The following DCAF5 variants were observed in gnomAD, a reference collection of about 807,000 sequenced individuals.
DCAF5 encodes the protein DDB1- and CUL4-associated factor 5.
DCAF5 carries 9 observed loss-of-function variants against 80.7 expected under a neutral mutation model. The ratio of observed to expected loss-of-function variants is 0.11; its 90% CI spans 0.07 to 0.19. The LOEUF is 0.19. DCAF5 is among the 10% of genes least tolerant of loss of function. The pLI is 1.00. For synonymous variants in DCAF5, 433 were observed against 461.9 expected, an observed-to-expected ratio of 0.94 and a Z score of 0.80; for missense variants, 842 against 1,205.7, an observed-to-expected ratio of 0.70 and a Z score of 4.47.
chr14:69,105,914 C>CATATATATATATATATATATAT lies in DCAF5; in HGVS notation c.665+10430_665+10451dup, dbSNP rs35075766. Among the ~76,000 whole-genome samples the CATATATATATATATATATATAT allele has an allele frequency of 8.3e-3, 411 of 49,810 alleles. 12 individuals are homozygous for CATATATATATATATATATATAT. The highest frequency in any genetic ancestry group is 0.036 in the East Asian group (14 of 388). The allele number at this position is 49,810 out of a possible 152,430, so 32.7% of individuals were successfully genotyped here. On this transcript the variant is annotated intron_variant, in intron 5 of 8. Coordinates refer to ENST00000341516, the MANE Select transcript of DCAF5 (RefSeq NM_003861.3). ...GAGCCAATTTTCCCTAATAAACTGTCATATATATATATATATATATATATA... is the reference window on the plus strand; with the variant it reads ...GAGCCAATTTTCCCTAATAAACTGTCATATATATATATATATATATATATATATATATATATATATATATATA...
Position 69,102,591 on chromosome 14 carries a change from G to GACACACACACACACACACACACACAC in DCAF5, c.666-10730_666-10705dup, listed in dbSNP as rs143602483. ...AACTTTTTATTTTGTTAAAAACAAA[G>GACACACACACACACACACACACACAC]ACACACACACACACACACACACACA... On this transcript the variant is annotated intron_variant, in intron 5 of 8. Transcript: ENST00000341516. Among the ~76,000 whole-genome samples the GACACACACACACACACACACACACAC allele has an allele frequency of 5.5e-3, 682 of 124,860 alleles. 6 individuals carry two copies. Among genetic ancestry groups the GACACACACACACACACACACACACAC allele is most frequent in the East Asian group, 0.012 (40 of 3,416 alleles). 81.9% of individuals were successfully genotyped at this position (124,860 alleles called of 152,430 possible). A position where few individuals can be genotyped will look rare whatever the true frequency, so the allele number is the denominator to read the frequency against.
chr14:69,134,496 C>T (rs908355696), intron 1 of DCAF5, among the ~76,000 whole-genome samples: 1 of 152,156 alleles, frequency 6.6e-6, no homozygotes, highest in Non-Finnish European at 1.5e-5. Context: ...CATTTACGAC[C>T]TCCTTAAGAG....
rs550790614 is a variant in DCAF5 at position 69,138,702 on chromosome 14, T to C, written c.214+14063A>G. ...CTCTTTGCTCCTTTGTTTACTTAGA[T>C]GTAAAATTAAAGACTTCTATTAGAC... On this transcript the variant is annotated intron_variant, in intron 1 of 8. Coordinates refer to ENST00000341516, the MANE Select transcript of DCAF5 (RefSeq NM_003861.3). Among the ~76,000 whole-genome samples, 216 of 152,360 alleles carry C rather than the reference T, an allele frequency of 1.4e-3. 5 individuals carry two copies. The South Asian group carries it at 0.028, about 20-fold the overall frequency.
At chr14:69,098,494 G>T (rs928207336) in intron 5 of DCAF5, among the ~76,000 whole-genome samples, 1 of 151,574 alleles carries the variant, frequency 6.6e-6, no homozygotes, top group African/African-American at 2.4e-5. Flanking sequence ...ATCTTTTCTT[G>T]GTGTATCCCA....
At chr14:69,084,815 T>G in intron 6 of DCAF5, 2 of 1,084,884 alleles carry the variant, frequency 1.8e-6, no homozygotes, top group Non-Finnish European at 2.8e-6. Flanking sequence ...AGGAACACTA[T>G]TGTGTACAGA....
In DCAF5 at chr14:69,112,594, T is replaced by TACACACACACAC. The variant is rs3044674; in HGVS notation, c.665+3760_665+3771dup. Among the ~76,000 whole-genome samples the TACACACACACAC allele has an allele frequency of 5.3e-3, 765 of 145,220 alleles. 9 individuals carry two copies. The highest frequency in any genetic ancestry group is 0.018 in the African/African-American group (673 of 38,294). On this transcript the variant is annotated intron_variant, in intron 5 of 8. Coordinates refer to ENST00000341516, the MANE Select transcript of DCAF5 (RefSeq NM_003861.3). Reference sequence around the variant, plus strand: ...AAAGGGGAAGGATGATATATATGTATACACACACACACACACACACACACA... The same window carrying TACACACACACAC: ...AAAGGGGAAGGATGATATATATGTATACACACACACACACACACACACACACACACACACACA...
intron 7 of DCAF5, among the ~76,000 whole-genome samples, chr14:69,065,984 C>T (rs1171614446): frequency 6.6e-6 from 1 of 152,114 alleles, no homozygotes; most frequent in Admixed American, 6.5e-5. Context: ...CTGACTGAAT[C>T]GCTAATAATG....
At chr14:69,148,553 G>A (rs372279704) in intron 1 of DCAF5, among the ~76,000 whole-genome samples, 2 of 152,052 alleles carry the variant, frequency 1.3e-5, no homozygotes, top group African/African-American at 4.8e-5. Context: ...AAATTAGCCA[G>A]GTGTGGAGGC....
At chr14:69,095,037 T>A (rs1449273289) in intron 5 of DCAF5, among the ~76,000 whole-genome samples, 1 of 152,242 alleles carries the variant, frequency 6.6e-6, no homozygotes, top group Non-Finnish European at 1.5e-5. Context: ...AACATGGCAC[T>A]TTTTATGGTC....
At chr14:69,072,124 C>T (rs1006742865) in intron 7 of DCAF5, among the ~76,000 whole-genome samples, 1 of 152,020 alleles carries the variant, frequency 6.6e-6, no homozygotes, top group Non-Finnish European at 1.5e-5. Flanking sequence ...CTTTTAAGAG[C>T]CATAGTTTAA....
chr14:69,087,193 T>C (rs955227604), intron 6 of DCAF5, among the ~76,000 whole-genome samples: 13 of 152,328 alleles, frequency 8.5e-5, no homozygotes, highest in African/African-American at 2.6e-4. Flanking sequence ...AAGTGCTGTC[T>C]TATATGTGCA....
intron 7 of DCAF5, among the ~76,000 whole-genome samples, chr14:69,073,492 AG>A (rs2038780153): frequency 6.6e-6 from 1 of 152,072 alleles, no homozygotes; most frequent in Non-Finnish European, 1.5e-5. Context: ...AAATCAGTAA[AG>A]AAAGCAGCAG....
Position 69,084,886 on chromosome 14 carries a change from G to A in DCAF5, c.879+6788C>T, listed in dbSNP as rs529461843. The A allele has an allele frequency of 1.1e-4, 145 of 1,325,544 alleles. 1 individual carries two copies. The African/African-American group carries it at 1.5e-3, about 14-fold the overall frequency. The allele number at this position is 1,325,544 out of a possible 1,614,324, so 82.1% of individuals were successfully genotyped here. A position where few individuals can be genotyped will look rare whatever the true frequency, so the allele number is the denominator to read the frequency against. Reference sequence around the variant, plus strand: ...ACTGGATTGTTCAGTATGACCCTCCGGATGACCCTAAGGAATAATATTCAT... The same window carrying A: ...ACTGGATTGTTCAGTATGACCCTCCAGATGACCCTAAGGAATAATATTCAT... On this transcript the variant is annotated intron_variant, in intron 6 of 8. Transcript: ENST00000341516.
intron 5 of DCAF5, among the ~76,000 whole-genome samples, chr14:69,106,077 C>T (rs2040146999): frequency 1.3e-5 from 2 of 150,896 alleles, no homozygotes. Context: ...TTTTTTGAGA[C>T]GGAGTTTCGC....
intron 1 of DCAF5, among the ~76,000 whole-genome samples, chr14:69,134,098 C>T (rs1010579346): frequency 3.3e-5 from 5 of 152,244 alleles, no homozygotes; most frequent in Non-Finnish European, 5.9e-5. Flanking sequence ...CTTCTAACAT[C>T]CCCATTTTGC....
intron 1 of DCAF5, among the ~76,000 whole-genome samples, chr14:69,143,141 AC>A (rs1595066652): frequency 1.3e-5 from 2 of 152,134 alleles, no homozygotes; most frequent in African/African-American, 4.8e-5. Context: ...CTCCAAGTCC[AC>A]TCCCATCTTC....
chr14:69,090,917 G>C (rs1210081338), intron 6 of DCAF5: 2 of 556,032 alleles, frequency 3.6e-6, no homozygotes, highest in African/African-American at 3.7e-5. Flanking sequence ...TTGTTTATTT[G>C]ATCAGTCTTT....
intron 5 of DCAF5, among the ~76,000 whole-genome samples, chr14:69,093,851 G>T (rs1213792292): frequency 6.6e-6 from 1 of 152,178 alleles, no homozygotes; most frequent in Non-Finnish European, 1.5e-5. Flanking sequence ...TCAAGGAGGG[G>T]CCTGGTATCC....
intron 1 of DCAF5, among the ~76,000 whole-genome samples, chr14:69,143,553 C>CTTTTTTTTTTTTTTTTTTTTTTTT (rs562355110): frequency 9.8e-6 from 1 of 102,200 alleles, no homozygotes; most frequent in Admixed American, 1.2e-4. Flanking sequence ...ATCTGTTAAA[C>CTTTTTTTTTTTTTTTTTTTTTTTT]TTTTTTTTTT....
Sources: gnomAD v4.1 joint callset for allele counts (sites outside exome capture counted in the v4.1 genomes callset) on GRCh38, gnomAD v4.1.1 for gene constraint, MANE v1.5 for transcripts, NCBI Gene and HGNC (gene_info 2026-07-23, HGNC 2026-07-21) for gene names.